The following ABI1 variants were observed in gnomAD, a reference collection of about 807,000 sequenced individuals.
ABI1 encodes abl interactor 1.
A neutral mutation model predicts 54.6 loss-of-function variants in ABI1; 14 were observed. That is an observed-to-expected ratio of 0.26 (90% CI 0.17 to 0.40). The LOEUF (loss-of-function observed/expected upper bound fraction) is 0.40, where lower values mean the gene tolerates loss of function less well. ABI1 is among the 10% of genes least tolerant of loss of function. The probability of loss-of-function intolerance (pLI) is 1.00; values close to 1 mark genes in which losing one functional copy is unlikely to be tolerated. For synonymous variants in ABI1, 194 were observed against 209.3 expected (o/e 0.93, Z 0.63); for missense variants, 443 against 598.3 (o/e 0.74, Z 2.71).
chr10:26,791,867 C>T lies in ABI1; in HGVS notation c.286-14626G>A, dbSNP rs114802384. 4.2e-3 allele frequency among the ~76,000 whole-genome samples: 644 copies of T among 152,094 alleles called. 4 individuals are homozygous for T. The highest frequency in any genetic ancestry group is 0.015 in the African/African-American group (603 of 41,500). On this transcript the variant is annotated intron_variant, in intron 2 of 10. Transcript: ENST00000376140. ...ATTCCAGATCCTTTACATTTAAATG[C>T]AAATAAATGGCATATTTATACTTGA...
intron 2 of ABI1, among the ~76,000 whole-genome samples, chr10:26,795,346 G>C (rs1218247142): frequency 1.3e-5 from 2 of 151,968 alleles, no homozygotes; most frequent in African/African-American, 4.8e-5. Flanking sequence ...AAAATATGTT[G>C]ACTTCTAAAA....
At chr10:26,806,912 A>G (rs12221372) in intron 2 of ABI1, among the ~76,000 whole-genome samples, 7,927 of 152,324 alleles carry the variant, frequency 0.052, 260 homozygotes, top group East Asian at 0.1. Context: ...CCCTGAATCC[A>G]CAAGTTGTCA....
intron 1 of ABI1, among the ~76,000 whole-genome samples, chr10:26,830,708 A>T (rs2048614522): frequency 6.6e-6 from 1 of 152,144 alleles, no homozygotes; most frequent in East Asian, 1.9e-4. Flanking sequence ...CTAGAAACTT[A>T]TGAAAATTCT....
chr10:26,796,083 A>G (rs1844120480), intron 2 of ABI1, among the ~76,000 whole-genome samples: 1 of 152,100 alleles, frequency 6.6e-6, no homozygotes, highest in South Asian at 2.1e-4. Flanking sequence ...AGTGAGACCC[A>G]GTCTCAAAAA....
intron 8 of ABI1, 94 bp downstream of exon 8, chr10:26,758,968 A>G: frequency 8.1e-7 from 1 of 1,231,204 alleles, no homozygotes; most frequent in Non-Finnish European, 1.1e-6. Context: ...ATGGTTTTCA[A>G]TTGTTGTCTA....
intron 1 of ABI1, among the ~76,000 whole-genome samples, chr10:26,855,745 T>C (rs1302559502): frequency 6.6e-6 from 1 of 151,542 alleles, no homozygotes; most frequent in Non-Finnish European, 1.5e-5. Context: ...CCAAGGCGGG[T>C]GGATCACCCG....
intron 5 of ABI1, among the ~76,000 whole-genome samples, chr10:26,769,545 T>G (rs1008367338): frequency 1.3e-5 from 2 of 152,166 alleles, no homozygotes; most frequent in African/African-American, 4.8e-5. Context: ...GAAGACTGAT[T>G]GTTGAACAAC....
At chr10:26,781,814 G>A (rs979667752) in intron 2 of ABI1, among the ~76,000 whole-genome samples, 28 of 152,174 alleles carry the variant, frequency 1.8e-4, no homozygotes, top group African/African-American at 6.3e-4. Flanking sequence ...ATTGTCTGAT[G>A]AGACCAATTA....
In ABI1 at chr10:26,860,504, C is replaced by G. The variant is rs1264299367; in HGVS notation, c.117+243G>C. 6.6e-6 allele frequency among the ~76,000 whole-genome samples: 1 copy of G among 152,210 alleles called. No individual in the cohort carries two copies. Among genetic ancestry groups the G allele is most frequent in the Non-Finnish European group, 1.5e-5 (1 of 68,024 alleles). On this transcript the variant is annotated intron_variant, in intron 1 of 10. Coordinates refer to ENST00000376140, the MANE Select transcript of ABI1 (RefSeq NM_001012750.3). The surrounding 1 kb of genome is among the most constrained non-coding windows in gnomAD (Gnocchi z 4.1). ...CAGCGGCGGGCTCCCGGCTCCCTCG[C>G]CCATTTTCTCTCTCCCCTTCTATCG...
chr10:26,756,458 C>T (rs1031858), intron 8 of ABI1, among the ~76,000 whole-genome samples: 88,013 of 151,936 alleles, frequency 0.58, 27,581 homozygotes, highest in African/African-American at 0.83. Context: ...GTGACCTTTT[C>T]ATCACTGTTC....
intron 2 of ABI1, among the ~76,000 whole-genome samples, chr10:26,791,571 C>T (rs1414759906): frequency 6.6e-6 from 1 of 151,970 alleles, no homozygotes; most frequent in Non-Finnish European, 1.5e-5. Flanking sequence ...AAGACATGGT[C>T]TAAAAGAAAA....
intron 1 of ABI1, among the ~76,000 whole-genome samples, chr10:26,838,045 A>T (rs1175913323): frequency 1.4e-5 from 2 of 138,406 alleles, no homozygotes; most frequent in African/African-American, 6.5e-5. Flanking sequence ...TTTTTTTGAG[A>T]GAGAGTCTTG....
chr10:26,752,880 G>C (rs570243001), intron 9 of ABI1, among the ~76,000 whole-genome samples: 34 of 152,042 alleles, frequency 2.2e-4, no homozygotes, highest in Non-Finnish European at 4.4e-4. Flanking sequence ...AAGTTCAAAA[G>C]ACATATGAAA....
At chr10:26,797,963 A>G (rs1191968333) in intron 2 of ABI1, among the ~76,000 whole-genome samples, 1 of 152,238 alleles carries the variant, frequency 6.6e-6, no homozygotes, top group Non-Finnish European at 1.5e-5. Context: ...CACATTAGAT[A>G]ACCTGAAATC....
chr10:26,816,380 T>C (rs1270594752), intron 2 of ABI1, among the ~76,000 whole-genome samples: 1 of 151,952 alleles, frequency 6.6e-6, no homozygotes, highest in African/African-American at 2.4e-5. Context: ...TGTATTAACA[T>C]AAATGAACAA....
chr10:26,842,012 T>C (rs897291412), intron 1 of ABI1, among the ~76,000 whole-genome samples: 4 of 152,166 alleles, frequency 2.6e-5, no homozygotes, highest in African/African-American at 9.7e-5. Flanking sequence ...CTCCATACTA[T>C]TTTCCATCAT....
chr10:26,837,291 C>T (rs10764649), intron 1 of ABI1, among the ~76,000 whole-genome samples: 38,632 of 151,944 alleles, frequency 0.25, 5,525 homozygotes, highest in South Asian at 0.43. Flanking sequence ...GCCACCTTCT[C>T]GCTGTGTCCT....
chr10:26,758,450 T>C (rs116945387), intron 8 of ABI1, among the ~76,000 whole-genome samples: 1 of 152,360 alleles, frequency 6.6e-6, no homozygotes, highest in East Asian at 1.9e-4. Flanking sequence ...CTATTTTCTT[T>C]TCTTACCAGC....
In ABI1 at chr10:26,773,235, T is replaced by C. The variant is rs74707489; in HGVS notation, c.463-2146A>G. Among the ~76,000 whole-genome samples, 1,375 of 141,402 alleles carry C rather than the reference T, an allele frequency of 9.7e-3. 33 individuals carry two copies. The highest frequency in any genetic ancestry group is 0.037 in the African/African-American group (1,295 of 35,118). The allele number at this position is 141,402 out of a possible 152,430, so 92.8% of individuals were successfully genotyped here. ...TAATTCTTTTTTTTTTTTTGCTGGC[T>C]CTGTTGCCCAGGATGGAGTGCAGTG... On this transcript the variant is annotated intron_variant, in intron 3 of 10. Coordinates refer to ENST00000376140, the MANE Select transcript of ABI1 (RefSeq NM_001012750.3).
Sources: gnomAD v4.1 joint callset for allele counts (sites outside exome capture counted in the v4.1 genomes callset) on GRCh38, gnomAD v4.1.1 for gene constraint, Gnocchi (gnomAD v3.1) non-coding constraint, MANE v1.5 for transcripts, NCBI Gene and HGNC (gene_info 2026-07-23, HGNC 2026-07-21) for gene names.